Variants in IMPG2 observed in about 807,000 individuals in gnomAD.
IMPG2 encodes the protein IPM 200.
A neutral mutation model predicts 129.2 loss-of-function variants in IMPG2; 91 were observed. The observed-to-expected ratio is 0.70, with a 90% CI of 0.59 to 0.84. The LOEUF (loss-of-function observed/expected upper bound fraction) is 0.84. IMPG2 is among the 40% of genes least tolerant of loss of function. The pLI, the probability that IMPG2 is intolerant of heterozygous loss-of-function variation, is 0.00. For synonymous variants in IMPG2, 510 were observed against 517.7 expected, an observed-to-expected ratio of 0.99 and a Z score of 0.20; for missense variants, 1,430 against 1,461.7, an observed-to-expected ratio of 0.98 and a Z score of 0.35.
intron 9 of IMPG2, among the ~76,000 whole-genome samples, chr3:101,260,791 TTC>T (rs1292571499): frequency 6.6e-6 from 1 of 152,214 alleles, no homozygotes; most frequent in African/African-American, 2.4e-5. Flanking sequence ...GGTGCTCATG[TTC>T]TATCTCCTCA....
At chr3:101,228,943 G>C (rs1163423676) in intron 17 of IMPG2, 67 bp from the exon 18 acceptor site, 4 of 1,147,048 alleles carry the variant, frequency 3.5e-6, no homozygotes, top group Admixed American at 1.7e-5. Flanking sequence ...TTTTAAAAGG[G>C]GTTCTAATTT....
At chr3:101,258,989 G>A (rs892021655) in intron 9 of IMPG2, among the ~76,000 whole-genome samples, 1 of 152,160 alleles carries the variant, frequency 6.6e-6, no homozygotes, top group Non-Finnish European at 1.5e-5. Flanking sequence ...CCTTAGAGCA[G>A]TTAAAAGACT....
intron 9 of IMPG2, among the ~76,000 whole-genome samples, chr3:101,259,831 T>C (rs1408635262): frequency 6.6e-6 from 1 of 152,076 alleles, no homozygotes; most frequent in African/African-American, 2.4e-5. Context: ...GTTGAGATCA[T>C]CCAACTTCCT....
At chr3:101,308,662 G>T (rs1331548187) in intron 2 of IMPG2, among the ~76,000 whole-genome samples, 1 of 152,196 alleles carries the variant, frequency 6.6e-6, no homozygotes, top group African/African-American at 2.4e-5. Flanking sequence ...CCTCTGACAT[G>T]CCCTGAAGAC....
At position 101,320,342 on chromosome 3, in the gene IMPG2, A is replaced by G; in HGVS notation, c.31T>C (p.Ser11Pro). 1 of 1,608,150 alleles carries G rather than the reference A, an allele frequency of 6.2e-7. No homozygotes were observed. The highest frequency in any genetic ancestry group is 8.5e-7 in the Non-Finnish European group (1 of 1,175,264). MIMFPLFGKI[S>P]LGILIFVLIE... ...AGGACAAATATCAAAATACCCAGAG[A>G]AATCTTCCCAAAAAGAGGAAACATA... The change falls in exon 1 of 19, where the codon TCT becomes CCT. Residue 11 changes from serine (S) to proline (P), a missense_variant. Coordinates refer to ENST00000193391, the MANE Select transcript of IMPG2 (RefSeq NM_016247.4).
intron 9 of IMPG2, among the ~76,000 whole-genome samples, chr3:101,263,336 T>TA (rs1021509475): frequency 6.6e-6 from 1 of 151,982 alleles, no homozygotes. Flanking sequence ...AAAATTTTTT[T>TA]ATCAAAATTA....
rs1000709480 is a variant in IMPG2, at chr3:101,225,464, C to G, written c.*1505G>C. On this transcript the variant is annotated 3_prime_UTR_variant, in exon 19 of 19. Transcript: ENST00000193391. The stretch of plus-strand genomic sequence containing the variant: ...ACACACAACCTGTTATCCATACATA[C>G]TTTGCAAAATACCTGGCCATCTTCA... 6.6e-6 allele frequency: 1 copy of G among 152,248 alleles called. No individual in the cohort carries two copies. Among genetic ancestry groups the G allele is most frequent in the Non-Finnish European group, 1.5e-5 (1 of 68,074 alleles). The allele number at this position is 152,248 out of a possible 1,614,324, so 9.4% of individuals were successfully genotyped here. A position where few individuals can be genotyped will look rare whatever the true frequency, so the allele number is the denominator to read the frequency against.
At chr3:101,235,296 A>G (rs779374169) in intron 14 of IMPG2, among the ~76,000 whole-genome samples, 25 of 152,240 alleles carry the variant, frequency 1.6e-4, no homozygotes, top group Non-Finnish European at 3.4e-4. Flanking sequence ...ACTGCAACCC[A>G]TCCCATGAGG....
chr3:101,288,503 T>G (rs1016916289), intron 4 of IMPG2, among the ~76,000 whole-genome samples: 1 of 152,126 alleles, frequency 6.6e-6, no homozygotes, highest in Non-Finnish European at 1.5e-5. Context: ...ATATACACCA[T>G]GGAATACTAT....
In IMPG2 at chr3:101,318,887, C is replaced by G. The variant is rs578107509; in HGVS notation, c.334+697G>C. The stretch of plus-strand genomic sequence containing the variant: ...TTGACTTACATAAAAAGTATGAGAT[C>G]AAGAATACTGTTTAAAGACAAAATA... On this transcript the variant is annotated intron_variant, in intron 2 of 18. Coordinates refer to ENST00000193391, the MANE Select transcript of IMPG2 (RefSeq NM_016247.4). 3.9e-5 allele frequency among the ~76,000 whole-genome samples: 6 copies of G among 152,002 alleles called. No homozygotes were observed. The South Asian group carries it at 1.0e-3, about 26-fold the overall frequency.
At chr3:101,293,099 G>A (rs964884081) in intron 3 of IMPG2, among the ~76,000 whole-genome samples, 1 of 152,116 alleles carries the variant, frequency 6.6e-6, no homozygotes, top group Non-Finnish European at 1.5e-5. Flanking sequence ...TTGGTATTTT[G>A]ATCTCACCTA....
intron 14 of IMPG2, among the ~76,000 whole-genome samples, chr3:101,236,544 C>T (rs1405890131): frequency 6.6e-6 from 1 of 152,164 alleles, no homozygotes. Flanking sequence ...GTGCAGCCCA[C>T]AGAGGGTGAG....
intron 6 of IMPG2, among the ~76,000 whole-genome samples, chr3:101,274,622 C>T (rs372075923): frequency 1.3e-5 from 2 of 152,200 alleles, no homozygotes; most frequent in African/African-American, 4.8e-5. Flanking sequence ...TGTTTTCCTA[C>T]TGGCTCTATA....
chr3:101,242,573 A>G (rs1471769462), intron 14 of IMPG2, 115 bp downstream of exon 14: 2 of 798,048 alleles, frequency 2.5e-6, no homozygotes, highest in East Asian at 5.1e-5. Flanking sequence ...TTTGTCTGAC[A>G]TAGTACTCTT....
intron 6 of IMPG2, among the ~76,000 whole-genome samples, chr3:101,274,862 T>G (rs1302905922): frequency 6.6e-6 from 1 of 152,122 alleles, no homozygotes; most frequent in African/African-American, 2.4e-5. Context: ...ACGGTTATAC[T>G]TAGGATAAAA....
At chr3:101,267,647 TTAAA>T (rs1369168366) in intron 8 of IMPG2, 116 bp from the exon 9 acceptor site, 3 of 884,356 alleles carry the variant, frequency 3.4e-6, no homozygotes, top group Non-Finnish European at 5.5e-6. Flanking sequence ...AAATGCTTCC[TTAAA>T]TAAAAATGCT....
At chr3:101,292,659 C>T (rs1448170423) in intron 3 of IMPG2, among the ~76,000 whole-genome samples, 5 of 151,992 alleles carry the variant, frequency 3.3e-5, no homozygotes, top group Non-Finnish European at 5.9e-5. Flanking sequence ...TGAATTTGGC[C>T]CCATCAATTG....
chr3:101,229,047 A>G (rs1292493288), intron 17 of IMPG2, among the ~76,000 whole-genome samples, 171 bp from the exon 18 acceptor site: 1 of 152,018 alleles, frequency 6.6e-6, no homozygotes, highest in Non-Finnish European at 1.5e-5. Flanking sequence ...AAGGATCTAC[A>G]TACACTACTC....
intron 2 of IMPG2, among the ~76,000 whole-genome samples, chr3:101,307,913 C>A (rs483947): frequency 0.72 from 109,248 of 152,160 alleles, 40,384 homozygotes; most frequent in East Asian, 0.84. Flanking sequence ...CAAGTTAGTT[C>A]CTTCCTAGAT....
Sources: allele counts gnomAD v4.1 joint callset (sites outside exome capture counted in the v4.1 genomes callset), GRCh38; gene constraint gnomAD v4.1.1; transcripts MANE v1.5; gene names NCBI Gene and HGNC (gene_info 2026-07-23, HGNC 2026-07-21).